Variants in RABGEF1 observed in about 807,000 individuals in gnomAD.
The protein encoded by RABGEF1 is RAB guanine nucleotide exchange factor 1, also known as rab5 GDP/GTP exchange factor.
Under a neutral mutation model 57.3 loss-of-function variants are expected in RABGEF1, and 26 were observed. The observed-to-expected ratio is 0.45, with a 90% CI of 0.33 to 0.63. The LOEUF is 0.63. Among genes scored for constraint, RABGEF1 ranks in the 20% least tolerant of loss-of-function variants. The pLI, the probability that RABGEF1 is intolerant of heterozygous loss-of-function variation, is 0.02. For missense variants in RABGEF1, 464 were observed against 607.6 expected (o/e 0.76, Z 2.48); for synonymous variants, 185 against 210.7 (o/e 0.88, Z 1.06).
In RABGEF1 at chr7:66,687,221, G is replaced by A. The variant is rs1346006729; in HGVS notation, c.-873+4963G>A. 2.0e-5 allele frequency among the ~76,000 whole-genome samples: 3 copies of A among 147,090 alleles called. No homozygotes were observed. The South Asian group carries it at 6.6e-4, about 32-fold the overall frequency. ...GCTCACTGCAACCTCTGCCTCCCAA[G>A]TTCAAGCAGTCCTCCTGCCTCGGCC... On this transcript the variant is annotated intron_variant and NMD_transcript_variant, in intron 1 of 9. Coordinates refer to the RABGEF1 transcript ENST00000607882.
At chr7:66,745,805 A>C (rs865788785) in intron 1 of RABGEF1, among the ~76,000 whole-genome samples, 1 of 151,544 alleles carries the variant, frequency 6.6e-6, no homozygotes, top group Non-Finnish European at 1.5e-5. Flanking sequence ...ACTAAAACCA[A>C]GAGTTTCAGG....
intron 2 of RABGEF1, among the ~76,000 whole-genome samples, chr7:66,718,985 G>A (rs1795706012): frequency 6.6e-6 from 1 of 152,222 alleles, no homozygotes; most frequent in Admixed American, 6.5e-5. Context: ...TCAGTGCCAA[G>A]TGGCAAGAGC....
At chr7:66,735,823 C>T (rs1797884856), upstream of RABGEF1, among the ~76,000 whole-genome samples, 1 of 152,204 alleles carries the variant, frequency 6.6e-6, no homozygotes, top group Non-Finnish European at 1.5e-5. Context: ...CCAATTAAAC[C>T]TCTTTCCTTT....
chr7:66,659,090 CCAGA>C, the RABGEF1 span, among the ~76,000 whole-genome samples: 2 of 152,094 alleles, frequency 1.3e-5, no homozygotes, highest in Admixed American at 1.3e-4. Context: ...GTTACTAGGG[CCAGA>C]CAAAGACAGT....
chr7:66,686,464 C>T (rs967818830), intron 1 of RABGEF1, among the ~76,000 whole-genome samples: 4 of 152,176 alleles, frequency 2.6e-5, no homozygotes, highest in African/African-American at 7.2e-5. Flanking sequence ...AGAGTGATAC[C>T]CTGTCTCCAT....
chr7:66,789,838 G>A (rs1305580565), intron 4 of RABGEF1, among the ~76,000 whole-genome samples: 1 of 152,134 alleles, frequency 6.6e-6, no homozygotes, highest in Non-Finnish European at 1.5e-5. Context: ...GCGTGAGGCT[G>A]GTGCCATGCA....
At chr7:66,802,344 A>G (rs1431167957) in intron 7 of RABGEF1, among the ~76,000 whole-genome samples, 6 of 152,234 alleles carry the variant, frequency 3.9e-5, no homozygotes, top group African/African-American at 1.4e-4. Context: ...GTCCATGTTG[A>G]GAAGCCATGA....
intron 4 of RABGEF1, among the ~76,000 whole-genome samples, chr7:66,789,817 G>C (rs1361429477): frequency 1.3e-5 from 2 of 152,058 alleles, no homozygotes; most frequent in Non-Finnish European, 2.9e-5. Context: ...GGGCAGCCGT[G>C]GTGGCTCCAT....
At chr7:66,774,984 C>T (rs183519906) in intron 2 of RABGEF1, among the ~76,000 whole-genome samples, 3 of 152,258 alleles carry the variant, frequency 2.0e-5, no homozygotes, top group Non-Finnish European at 2.9e-5. Context: ...AAGGATTAGA[C>T]TTGATTTCTT....
chr7:66,777,583 A>G (rs894439880), intron 3 of RABGEF1, among the ~76,000 whole-genome samples: 5 of 152,150 alleles, frequency 3.3e-5, no homozygotes, highest in Non-Finnish European at 5.9e-5. Flanking sequence ...GCATTATACT[A>G]TTGAAAGAAA....
rs1808274564 is a variant in RABGEF1 at position 66,775,377 on chromosome 7, G to A, written c.330G>A (p.Arg110=). 1.2e-6 allele frequency: 2 copies of A among 1,613,584 alleles called. No homozygotes were observed. The highest frequency in any genetic ancestry group is 2.7e-5 in the African/African-American group (2 of 74,868). ...TVKKFFSASS[R]VGSKKEIQEA... ...AGAAATTCTTCAGTGCATCTTCCAG[G>A]GTCGGATCAAAGAAGGGTAATGTTC... The change falls in exon 3 of 9, where the codon AGG becomes AGA. Residue 110 remains arginine (R), a synonymous_variant. Coordinates refer to ENST00000284957, the MANE Select transcript of RABGEF1 (RefSeq NM_014504.3).
At chr7:66,659,852 G>A in the RABGEF1 span, among the ~76,000 whole-genome samples, 2 of 151,666 alleles carry the variant, frequency 1.3e-5, no homozygotes, top group Non-Finnish European at 2.9e-5. Flanking sequence ...ACACTTTAAA[G>A]GACCTACAAA....
At chr7:66,779,434 G>A (rs111529703) in intron 3 of RABGEF1, among the ~76,000 whole-genome samples, 4,864 of 151,964 alleles carry the variant, frequency 0.032, 107 homozygotes, top group Non-Finnish European at 0.049. Context: ...AACCTGGGAG[G>A]TGGAGATTGC....
At chr7:66,709,224 G>A (rs962487548) in intron 1 of RABGEF1, among the ~76,000 whole-genome samples, 6 of 152,036 alleles carry the variant, frequency 3.9e-5, no homozygotes. Flanking sequence ...GTTCAGGCTG[G>A]TCTCGAAATC....
chr7:66,783,068 AT>A (rs1227159172), intron 3 of RABGEF1, among the ~76,000 whole-genome samples: 5 of 152,178 alleles, frequency 3.3e-5, no homozygotes, highest in African/African-American at 1.2e-4. Flanking sequence ...AGTGTAGTGC[AT>A]GTTTCCCTTG....
intron 2 of RABGEF1, among the ~76,000 whole-genome samples, chr7:66,731,079 AG>A (rs1156765325): frequency 2.0e-5 from 3 of 152,142 alleles, no homozygotes; most frequent in Non-Finnish European, 4.4e-5. Flanking sequence ...CCACATTTCA[AG>A]GGGGCACACA....
chr7:66,722,434 C>T (rs1055759885), intron 2 of RABGEF1, among the ~76,000 whole-genome samples: 6 of 152,110 alleles, frequency 3.9e-5, no homozygotes, highest in African/African-American at 1.4e-4. Flanking sequence ...AGCAAAACTC[C>T]GTGTCAAAAA....
chr7:66,747,272 A>G lies in RABGEF1; in HGVS notation c.-18+6480A>G, dbSNP rs149342759. Among the ~76,000 whole-genome samples, 3 of 152,294 alleles carry G rather than the reference A, an allele frequency of 2.0e-5. No homozygotes were observed. In the East Asian group the frequency reaches 5.8e-4, roughly 29 times the overall value. ...ACACTGAGAGAGTATTAAGCTTTTT[A>G]ATTTTCCCCCAGTAACAGTGAGCAG... On this transcript the variant is annotated intron_variant, in intron 1 of 8. Transcript: ENST00000284957.
At position 66,703,930 on chromosome 7, in the gene RABGEF1, C is replaced by T. The variant is rs192742416; in HGVS notation, c.-872-8237C>T. Among the ~76,000 whole-genome samples, 373 of 152,272 alleles carry T rather than the reference C, an allele frequency of 2.4e-3. 2 individuals carry two copies. The highest frequency in any genetic ancestry group is 8.1e-3 in the African/African-American group (337 of 41,568). ...TGTTTTCCAGTCTATGAACATGGGACGCTTTCCCATTTATTTAGGCTTTCT... is the reference window on the plus strand; with the variant it reads ...TGTTTTCCAGTCTATGAACATGGGATGCTTTCCCATTTATTTAGGCTTTCT... On this transcript the variant is annotated intron_variant and NMD_transcript_variant, in intron 1 of 9. Coordinates refer to the RABGEF1 transcript ENST00000607882.
Sources: allele counts gnomAD v4.1 joint callset (sites outside exome capture counted in the v4.1 genomes callset), GRCh38; gene constraint gnomAD v4.1.1; transcripts MANE v1.5; gene names NCBI Gene and HGNC (gene_info 2026-07-23, HGNC 2026-07-21).